Variants in ZNF462 observed in about 807,000 individuals in gnomAD.
The protein encoded by ZNF462 is zinc finger PBX1-interacting protein.
ZNF462 carries 10 observed loss-of-function variants against 201.9 expected under a neutral mutation model. The observed-to-expected ratio is 0.05, with a 90% CI of 0.03 to 0.08. The LOEUF (loss-of-function observed/expected upper bound fraction) is 0.08. ZNF462 is among the 10% of genes least tolerant of loss of function. The probability of loss-of-function intolerance (pLI) is 1.00; values close to 1 mark genes in which losing one functional copy is unlikely to be tolerated. For synonymous variants in ZNF462, 1,227 were observed against 1,193.3 expected, an observed-to-expected ratio of 1.03 and a Z score of -0.58; for missense variants, 2,523 against 3,168.3, an observed-to-expected ratio of 0.80 and a Z score of 4.89.
At chr9:106,936,290 GCAT>G (rs138096633) in intron 6 of ZNF462, among the ~76,000 whole-genome samples, 3,458 of 152,300 alleles carry the variant, frequency 0.023, 115 homozygotes, top group African/African-American at 0.079. Flanking sequence ...CGTGTTATAT[GCAT>G]CATCTTCTTT....
intron 1 of ZNF462, among the ~76,000 whole-genome samples, chr9:106,888,325 G>A (rs941253479): frequency 3.9e-5 from 6 of 152,340 alleles, no homozygotes; most frequent in African/African-American, 1.4e-4. Context: ...ACAGGCGTGA[G>A]CCACCGCGCC....
chr9:106,935,598 C>T lies in ZNF462; in HGVS notation c.6212C>T (p.Thr2071Ile). ...TCCTCCTATAACAGCCGGCTGAAAA[C>T]ACATATACTCAAAGCTCATGCTGGT... is the stretch of plus-strand genomic sequence containing the variant. ...FKSSYNSRLK[T>I]HILKAHAGEH... The change falls in exon 6 of 13, where the codon ACA becomes ATA. Residue 2071 changes from threonine (T) to isoleucine (I), a missense_variant. By Grantham distance (89) the Thr-to-Ile change is moderately conservative. This residue lies in a region of ZNF462 where 138 missense variants were observed against 146.3 expected (regional missense o/e 0.94). Coordinates refer to ENST00000277225, the MANE Select transcript of ZNF462 (RefSeq NM_021224.6). This position sits in a 1 kb window ranked among gnomAD's most constrained non-coding sequence, Gnocchi z 4.1. The T allele has an allele frequency of 2.5e-6, 4 of 1,613,978 alleles. No individual in the cohort carries two copies. The highest frequency in any genetic ancestry group is 3.4e-6 in the Non-Finnish European group (4 of 1,179,920).
chr9:106,862,624 T>A (rs1056636976), upstream of ZNF462, among the ~76,000 whole-genome samples: 4 of 146,754 alleles, frequency 2.7e-5, no homozygotes, highest in Non-Finnish European at 6.0e-5. The surrounding 1 kb of genome is among the most constrained non-coding windows in gnomAD (Gnocchi z 4.2). Flanking sequence ...CGCCGCCACC[T>A]CCTCCTCTTG....
rs1828282235 is a variant in ZNF462 at position 106,885,604 on chromosome 9, A to G, written c.-31+22249A>G. ...CTCCAAGACTTTAAGTAGCAGCTGA[A>G]CATGTGATCTTGTTAACCCTGAGAT... On this transcript the variant is annotated intron_variant, in intron 1 of 12. Coordinates refer to ENST00000277225, the MANE Select transcript of ZNF462 (RefSeq NM_021224.6). The surrounding 1 kb of genome is among the most constrained non-coding windows in gnomAD (Gnocchi z 4.1). 6.6e-6 allele frequency among the ~76,000 whole-genome samples: 1 copy of G among 152,192 alleles called. No homozygotes were observed. The highest frequency in any genetic ancestry group is 2.1e-4 in the South Asian group (1 of 4,830).
chr9:106,969,610 G>A (rs904873968), intron 7 of ZNF462, among the ~76,000 whole-genome samples: 5 of 152,126 alleles, frequency 3.3e-5, no homozygotes, highest in African/African-American at 9.7e-5. Context: ...GCTAGAAAGG[G>A]ACTGGAGATG....
chr9:106,894,650 G>A (rs904974146), intron 1 of ZNF462, among the ~76,000 whole-genome samples: 52 of 152,264 alleles, frequency 3.4e-4, no homozygotes, highest in Non-Finnish European at 5.4e-4. Context: ...AGGTTTTCTA[G>A]GTCTGTGCTG....
At position 106,914,059 on chromosome 9, in the gene ZNF462, A is replaced by G. The variant is rs1189565431; in HGVS notation, c.-30-9295A>G. On this transcript the variant is annotated intron_variant, in intron 1 of 12. Transcript: ENST00000277225. ...TTTTTTTTCTGAAGAGATTTTTGGT[A>G]ACATACCCAAATTAGAAAAATAAAA... is the stretch of plus-strand genomic sequence containing the variant. Among the ~76,000 whole-genome samples the G allele has an allele frequency of 6.1e-5, 9 of 147,520 alleles. 1 individual carries two copies. The highest frequency in any genetic ancestry group is 1.0e-4 in the Non-Finnish European group (7 of 66,874).
At chr9:107,002,811 A>G (rs1829295428) in intron 10 of ZNF462, among the ~76,000 whole-genome samples, 1 of 152,238 alleles carries the variant, frequency 6.6e-6, no homozygotes, top group Non-Finnish European at 1.5e-5. Context: ...AAGCCGGGAC[A>G]GCCTGCAACA....
intron 10 of ZNF462, among the ~76,000 whole-genome samples, chr9:106,985,353 C>T (rs1201985407): frequency 1.3e-5 from 2 of 152,060 alleles, no homozygotes; most frequent in Admixed American, 1.3e-4. Flanking sequence ...AGGAAGGAGA[C>T]TCGAGAATGA....
Position 106,932,222 on chromosome 9 carries a change from AT to A in ZNF462, c.6013-220del. On this transcript the variant is annotated intron_variant, in intron 4 of 12. Coordinates refer to ENST00000277225, the MANE Select transcript of ZNF462 (RefSeq NM_021224.6). The surrounding 1 kb of genome is among the most constrained non-coding windows in gnomAD (Gnocchi z 6.8). The stretch of plus-strand genomic sequence containing the variant: ...CTGGAGGCAATGATGATGGATATTT[AT>A]TTTGTTGGTGGGGCATGTGTGTGTG... 6.5e-7 allele frequency: 1 copy of A among 1,546,196 alleles called. No individual in the cohort carries two copies. Among genetic ancestry groups the A allele is most frequent in the Non-Finnish European group, 8.7e-7 (1 of 1,145,922 alleles).
Position 107,011,069 on chromosome 9 carries a change from G to A in ZNF462, c.*39G>A, listed in dbSNP as rs370093942. 2.8e-5 allele frequency: 45 copies of A among 1,601,454 alleles called. No individual in the cohort carries two copies. In the African/African-American group the frequency reaches 5.6e-4, roughly 20 times the overall value. ...TTCTTAATCAAACCTTACTTGAACA[G>A]TGATGAAAAAGTGGGAGGGCTGGCT... On this transcript the variant is annotated 3_prime_UTR_variant, in exon 13 of 13. Transcript: ENST00000277225. The surrounding 1 kb of genome is among the most constrained non-coding windows in gnomAD (Gnocchi z 5.6).
At chr9:106,866,462 A>G (rs1224882042) in intron 1 of ZNF462, among the ~76,000 whole-genome samples, 1 of 152,192 alleles carries the variant, frequency 6.6e-6, no homozygotes, top group African/African-American at 2.4e-5. Flanking sequence ...GGAGAGGGGA[A>G]ATACATGGTT....
chr9:106,906,134 C>T (rs1829262837), intron 1 of ZNF462, among the ~76,000 whole-genome samples: 1 of 152,262 alleles, frequency 6.6e-6, no homozygotes, highest in South Asian at 2.1e-4. Flanking sequence ...CAGGTAAAGT[C>T]GGAAACTTCT....
In ZNF462 at chr9:107,012,577, C is replaced by T. The variant is rs916898990; in HGVS notation, c.*1547C>T. Reference sequence around the variant, plus strand: ...TGTTCTGATTGTGAACAAAGGGTTTCGTTCCAAAAAATAGAAAAGAACTTT... The same window carrying T: ...TGTTCTGATTGTGAACAAAGGGTTTTGTTCCAAAAAATAGAAAAGAACTTT... On this transcript the variant is annotated 3_prime_UTR_variant, in exon 13 of 13. Transcript: ENST00000277225. 6 of 149,792 alleles carry T rather than the reference C, an allele frequency of 4.0e-5. No homozygotes were observed. The highest frequency in any genetic ancestry group is 1.3e-4 in the Admixed American group (2 of 14,830). 9.3% of individuals were successfully genotyped at this position (149,792 alleles called of 1,614,324 possible). A position where few individuals can be genotyped will look rare whatever the true frequency, so the allele number is the denominator to read the frequency against.
intron 10 of ZNF462, among the ~76,000 whole-genome samples, chr9:106,990,401 G>T (rs1828175482): frequency 6.6e-6 from 1 of 151,916 alleles, no homozygotes; most frequent in Non-Finnish European, 1.5e-5. Flanking sequence ...TGTGGTTGTT[G>T]GATGGAATGT....
chr9:107,002,463 T>C (rs1414338940), intron 10 of ZNF462, among the ~76,000 whole-genome samples: 2 of 152,208 alleles, frequency 1.3e-5, no homozygotes, highest in Non-Finnish European at 2.9e-5. Flanking sequence ...AATCGATTCA[T>C]GATGAAGGTA....
chr9:106,900,761 TTTG>T (rs1296991560), intron 1 of ZNF462, among the ~76,000 whole-genome samples: 7 of 152,174 alleles, frequency 4.6e-5, no homozygotes, highest in African/African-American at 1.7e-4. Context: ...TTTGTTTGAA[TTTG>T]TTGTAGTTTC....
intron 7 of ZNF462, among the ~76,000 whole-genome samples, chr9:106,952,002 C>T (rs1164088709): frequency 6.6e-6 from 1 of 152,092 alleles, no homozygotes; most frequent in Admixed American, 6.5e-5. Flanking sequence ...ACATTAGGGG[C>T]AAATGATCTT....
chr9:107,013,142 G>A lies in ZNF462; in HGVS notation c.*2112G>A, dbSNP rs1436859328. 1 of 150,952 alleles carries A rather than the reference G, an allele frequency of 6.6e-6. No individual in the cohort carries two copies. Among genetic ancestry groups the A allele is most frequent in the Admixed American group, 6.6e-5 (1 of 15,166 alleles). 9.4% of individuals were successfully genotyped at this position (150,952 alleles called of 1,614,324 possible). The stretch of plus-strand genomic sequence containing the variant: ...AAGGAAAAAAAAAAAGAAAATAATT[G>A]TGACATGCTTTTATCACTACTTTAT... On this transcript the variant is annotated 3_prime_UTR_variant, in exon 13 of 13. Coordinates refer to ENST00000277225, the MANE Select transcript of ZNF462 (RefSeq NM_021224.6).
Sources: gnomAD v4.1 joint callset for allele counts (sites outside exome capture counted in the v4.1 genomes callset) on GRCh38, gnomAD v4.1.1 for gene constraint, gnomAD v4.1.1 regional missense constraint, Gnocchi (gnomAD v3.1) non-coding constraint, MANE v1.5 for transcripts, NCBI Gene and HGNC (gene_info 2026-07-23, HGNC 2026-07-21) for gene names.